The following DNAH6 variants were observed in gnomAD, a reference collection of about 807,000 sequenced individuals.
The protein encoded by DNAH6 is axonemal beta dynein heavy chain 6.
Under a neutral mutation model 491.4 loss-of-function variants are expected in DNAH6, and 340 were observed. The observed-to-expected ratio is 0.69, with a 90% CI of 0.63 to 0.76. The LOEUF (loss-of-function observed/expected upper bound fraction) is 0.76, where lower values mean the gene tolerates loss of function less well. Ranked by LOEUF, DNAH6 falls within the 30% of genes least tolerant of loss-of-function variation. DNAH6 has a pLI of 0.00. For missense variants in DNAH6, 4,443 were observed against 4,972.2 expected (o/e 0.89, Z 3.20); for synonymous variants, 1,603 against 1,686.1 (o/e 0.95, Z 1.21).
At chr2:84,724,662 A>G (rs1207683378) in intron 60 of DNAH6, among the ~76,000 whole-genome samples, 1 of 152,184 alleles carries the variant, frequency 6.6e-6, no homozygotes, top group Non-Finnish European at 1.5e-5. Context: ...GCTGACTGGA[A>G]TGAACATCCA....
rs1376843774 is a variant in DNAH6 at position 84,713,113 on chromosome 2, C to A, written c.9397C>A (p.Pro3133Thr). The A allele has an allele frequency of 3.2e-6, 5 of 1,550,928 alleles. No homozygotes were observed. The highest frequency in any genetic ancestry group is 4.4e-6 in the Non-Finnish European group (5 of 1,146,634). The change falls in exon 57 of 77, where the codon CCA (proline) becomes ACA (threonine). Residue 3133 changes from proline to threonine, a missense_variant. Physicochemically the swap from Pro to Thr is conservative, Grantham distance 38. Around this residue, in one of 3 missense-constraint regions of DNAH6, gnomAD observed 1,463 missense variants for 1,656.6 expected, o/e 0.88. Coordinates refer to ENST00000389394, the MANE Select transcript of DNAH6 (RefSeq NM_001370.2). Reference protein sequence around the residue: ...LLEELKETLDPALEPILLKQI... With the variant: ...LLEELKETLDTALEPILLKQI... ...TTCTAAGCTTAAGGAAACCTTGGATCCAGCTCTAGAACCCATTCTTTTGAA... is the reference window on the plus strand; with the variant it reads ...TTCTAAGCTTAAGGAAACCTTGGATACAGCTCTAGAACCCATTCTTTTGAA...
intron 57 of DNAH6, among the ~76,000 whole-genome samples, chr2:84,715,019 G>T (rs1697384548): frequency 6.6e-6 from 1 of 151,850 alleles, no homozygotes; most frequent in African/African-American, 2.4e-5. Context: ...TCATTAAAAT[G>T]TTATTAGACA....
In DNAH6 at chr2:84,722,721, C is replaced by T; in HGVS notation, c.9889C>T (p.Gln3297Ter). ...AREKYRPVAT[Q>*]GSVMYFVIAS... is the part of the protein sequence containing the mutation. ...TGAGAAGTATCGTCCAGTGGCCACT[C>T]AAGGCTCTGTAATGTACTTTGTCAT... The change falls in exon 60 of 77, where the codon CAA (glutamine) becomes TAA (stop). Residue 3297 changes from glutamine (Q) to a stop codon, truncating the protein, a stop_gained. Coordinates refer to ENST00000389394, the MANE Select transcript of DNAH6 (RefSeq NM_001370.2). LOFTEE classifies it high-confidence loss of function. 1.3e-6 allele frequency: 2 copies of T among 1,548,494 alleles called. No homozygotes were observed. Among genetic ancestry groups the T allele is most frequent in the Non-Finnish European group, 8.7e-7 (1 of 1,145,740 alleles).
At chr2:84,780,460 G>A (rs762244067) in intron 64 of DNAH6, among the ~76,000 whole-genome samples, 1 of 152,110 alleles carries the variant, frequency 6.6e-6, no homozygotes, top group Admixed American at 6.5e-5. Flanking sequence ...TGAAACTCCT[G>A]TGGTGAATTT....
chr2:84,662,681 G>A (rs1482950690), intron 37 of DNAH6, among the ~76,000 whole-genome samples: 1 of 152,196 alleles, frequency 6.6e-6, no homozygotes, highest in African/African-American at 2.4e-5. Context: ...TGGGGGCAGG[G>A]CATAGCTGAA....
chr2:84,488,215 C>T, the DNAH6 span, among the ~76,000 whole-genome samples: 1 of 151,832 alleles, frequency 6.6e-6, no homozygotes, highest in African/African-American at 2.4e-5. Flanking sequence ...AACAAATTAC[C>T]ACAAAGGTAA....
chr2:84,767,581 T>A (rs1026156776), intron 64 of DNAH6, among the ~76,000 whole-genome samples: 1 of 151,836 alleles, frequency 6.6e-6, no homozygotes, highest in Non-Finnish European at 1.5e-5. Flanking sequence ...TATATATATA[T>A]AAAACTGAAA....
intron 44 of DNAH6, among the ~76,000 whole-genome samples, chr2:84,687,751 T>C (rs1411068545): frequency 3.3e-5 from 5 of 151,604 alleles, no homozygotes; most frequent in South Asian, 2.1e-4. Flanking sequence ...ATATCATCAA[T>C]AGATTAAAAC....
intron 4 of DNAH6, 86 bp from the exon 5 acceptor site, chr2:84,544,147 A>C: frequency 1.5e-6 from 1 of 677,434 alleles, no homozygotes; most frequent in Non-Finnish European, 2.3e-6. Flanking sequence ...GAAATGTTTT[A>C]TCTCTGTAGA....
intron 14 of DNAH6, among the ~76,000 whole-genome samples, chr2:84,580,901 G>A (rs1038877681): frequency 2.6e-5 from 4 of 152,070 alleles, no homozygotes; most frequent in African/African-American, 7.2e-5. Flanking sequence ...GCTGTAGGAC[G>A]CCCCAGTAGT....
intron 14 of DNAH6, among the ~76,000 whole-genome samples, chr2:84,580,740 C>T (rs1682938598): frequency 1.3e-5 from 1 of 76,556 alleles, no homozygotes; most frequent in Non-Finnish European, 3.4e-5. Flanking sequence ...TGTTTGTATT[C>T]ATTAAGCCAC....
chr2:84,787,109 C>A, intron 67 of DNAH6, 55 bp from the exon 68 acceptor site: 1 of 1,356,402 alleles, frequency 7.4e-7, no homozygotes, highest in Non-Finnish European at 9.9e-7. Flanking sequence ...CAGTATTTTA[C>A]ACAAAATTAA....
intron 48 of DNAH6, 27 bp downstream of exon 48, chr2:84,699,761 T>G (rs1322332483): frequency 3.6e-5 from 56 of 1,545,874 alleles, no homozygotes; most frequent in Non-Finnish European, 4.9e-5. Flanking sequence ...GATATCTCTT[T>G]GAGAAGTTGG....
At chr2:84,621,025 G>C (rs1573250469) in intron 24 of DNAH6, among the ~76,000 whole-genome samples, 166 bp from the exon 25 acceptor site, 1 of 152,314 alleles carries the variant, frequency 6.6e-6, no homozygotes, top group East Asian at 1.9e-4. Context: ...AGCAATAGGT[G>C]GGGTGAAAGG....
At chr2:84,602,797 G>T (rs1408631238) in intron 18 of DNAH6, among the ~76,000 whole-genome samples, 28 of 121,828 alleles carry the variant, frequency 2.3e-4, no homozygotes, top group East Asian at 9.4e-4. Context: ...TGGATGCTCT[G>T]TTTTTTTTTT....
chr2:84,579,623 A>G lies in DNAH6; in HGVS notation c.2173A>G (p.Thr725Ala), dbSNP rs778918816. 1.7e-5 allele frequency: 27 copies of G among 1,611,122 alleles called. No individual in the cohort carries two copies. The South Asian group carries it at 2.6e-4, about 15-fold the overall frequency. The change falls in exon 14 of 77, where the codon ACT becomes GCT. Residue 725 changes from threonine to alanine, a missense_variant. Coordinates refer to ENST00000389394, the MANE Select transcript of DNAH6 (RefSeq NM_001370.2). ...DAEYKLEFVP[T>A]TTTEYVHSLL... The stretch of plus-strand genomic sequence containing the variant: ...AGAGTATAAACTTGAGTTTGTTCCA[A>G]CTACTACCACAGAATATGTTCATAG...
intron 33 of DNAH6, among the ~76,000 whole-genome samples, chr2:84,648,934 C>T (rs770608428): frequency 4.6e-5 from 7 of 152,142 alleles, no homozygotes; most frequent in Non-Finnish European, 7.4e-5. Flanking sequence ...ACAAAAGAGT[C>T]GATGAACGTG....
chr2:84,802,758 A>G (rs1649301), intron 70 of DNAH6, among the ~76,000 whole-genome samples: 17,667 of 152,190 alleles, frequency 0.12, 1,050 homozygotes, highest in Non-Finnish European at 0.13. Context: ...AAGAATATAC[A>G]GTCTTCTCAT....
rs546193264 is a variant in DNAH6, at chr2:84,736,092, A to T, written c.10342+2513A>T. Among the ~76,000 whole-genome samples, 23 of 152,272 alleles carry T rather than the reference A, an allele frequency of 1.5e-4. 1 individual carries two copies. The South Asian group carries it at 4.8e-3, about 32-fold the overall frequency. On this transcript the variant is annotated intron_variant, in intron 62 of 76. Coordinates refer to ENST00000389394, the MANE Select transcript of DNAH6 (RefSeq NM_001370.2). Reference sequence around the variant, plus strand: ...CTGCATATGGTTAGCCAGTTTTCCCAGCTCATTTATTGAATAGAGTATTCT... The same window carrying T: ...CTGCATATGGTTAGCCAGTTTTCCCTGCTCATTTATTGAATAGAGTATTCT...
Sources: allele counts gnomAD v4.1 joint callset (sites outside exome capture counted in the v4.1 genomes callset), GRCh38; gene constraint gnomAD v4.1.1; regional missense constraint gnomAD v4.1.1; transcripts MANE v1.5; gene names NCBI Gene and HGNC (gene_info 2026-07-23, HGNC 2026-07-21).